CBFA2T2: variants seen among roughly 807,000 people sequenced by gnomAD.
CBFA2T2 encodes protein CBFA2T2.
In CBFA2T2, 11 loss-of-function variants were observed where a neutral mutation model predicts 62.2. That is an observed-to-expected ratio of 0.18 (90% CI 0.11 to 0.29). The LOEUF is 0.29. Among genes scored for constraint, CBFA2T2 ranks in the 10% least tolerant of loss-of-function variants. CBFA2T2 has a pLI of 1.00. For synonymous variants in CBFA2T2, 295 were observed against 287.5 expected (o/e 1.03, Z -0.27); for missense variants, 592 against 774.1 (o/e 0.76, Z 2.79).
chr20:33,562,684 T>C (rs1048291769), intron 1 of CBFA2T2: 65 of 984,758 alleles, frequency 6.6e-5, no homozygotes, highest in Non-Finnish European at 7.4e-5. Flanking sequence ...GGTAAGTACA[T>C]TTTAATATAG....
chr20:33,623,675 A>ACCT, intron 5 of CBFA2T2: 4 of 642,478 alleles, frequency 6.2e-6, no homozygotes, highest in Non-Finnish European at 1.1e-5. Context: ...GCCCGCCTCA[A>ACCT]CCTCCCAAAG....
chr20:33,610,992 A>C (rs2015502606), intron 2 of CBFA2T2, 102 bp from the exon 3 acceptor site: 1 of 1,444,436 alleles, frequency 6.9e-7, no homozygotes, highest in Admixed American at 1.8e-5. Flanking sequence ...CATGTGCTTT[A>C]CAAAATTCAA....
intron 1 of CBFA2T2, among the ~76,000 whole-genome samples, chr20:33,536,486 C>T (rs1286895628): frequency 1.3e-5 from 2 of 151,090 alleles, no homozygotes; most frequent in African/African-American, 2.4e-5. Context: ...TGACCCCCAC[C>T]TCCCTCCCGG....
chr20:33,567,829 C>G (rs1478342335), intron 1 of CBFA2T2, among the ~76,000 whole-genome samples: 1 of 152,112 alleles, frequency 6.6e-6, no homozygotes, highest in Admixed American at 6.6e-5. Context: ...GGTGATCTAC[C>G]CGCTTCGGCC....
At chr20:33,528,241 G>A (rs183189589) in intron 1 of CBFA2T2, among the ~76,000 whole-genome samples, 2 of 152,304 alleles carry the variant, frequency 1.3e-5, no homozygotes, top group Admixed American at 6.5e-5. Context: ...TATAAGACAA[G>A]TTTCCCATGT....
intron 1 of CBFA2T2, chr20:33,562,293 G>C (rs561417002): frequency 2.3e-4 from 167 of 728,382 alleles, no homozygotes; most frequent in Non-Finnish European, 2.7e-4. Flanking sequence ...TGTGTACTTA[G>C]TGACATCAGC....
intron 3 of CBFA2T2, among the ~76,000 whole-genome samples, chr20:33,615,821 A>C (rs1180680304): frequency 1.3e-5 from 2 of 152,192 alleles, no homozygotes; most frequent in Non-Finnish European, 2.9e-5. Flanking sequence ...GGACTACATA[A>C]GCAGTGAGTT....
intron 1 of CBFA2T2, among the ~76,000 whole-genome samples, chr20:33,574,617 C>A (rs1165498732): frequency 1.3e-5 from 2 of 152,152 alleles, no homozygotes; most frequent in African/African-American, 4.8e-5. Context: ...GAGTGAAACT[C>A]CATCTCAAAA....
chr20:33,597,366 T>G (rs529491936), intron 1 of CBFA2T2, among the ~76,000 whole-genome samples: 9 of 152,218 alleles, frequency 5.9e-5, no homozygotes, highest in Non-Finnish European at 1.2e-4. Flanking sequence ...GAAAAGTTAC[T>G]CAAATTCCTT....
chr20:33,508,583 C>T (rs373685046), intron 1 of CBFA2T2, among the ~76,000 whole-genome samples: 2 of 152,154 alleles, frequency 1.3e-5, no homozygotes, highest in East Asian at 3.8e-4. Flanking sequence ...CTCCCACCCT[C>T]CACTTTCCCA....
rs747586362 is a variant in CBFA2T2 at position 33,574,159 on chromosome 20, T to C, written c.35-32797T>C. The stretch of plus-strand genomic sequence containing the variant: ...AGCACAATCCTGACTGTACCTGTGA[T>C]GTTGCATTCATCTTTTGGAACATAA... On this transcript the variant is annotated intron_variant, in intron 1 of 10. Transcript: ENST00000342704. The C allele has an allele frequency of 1.1e-5, 18 of 1,609,134 alleles. 1 individual carries two copies. In the South Asian group the frequency reaches 1.6e-4, roughly 15 times the overall value.
chr20:33,610,840 TG>T (rs2015496190), intron 2 of CBFA2T2, among the ~76,000 whole-genome samples: 1 of 152,150 alleles, frequency 6.6e-6, no homozygotes, highest in African/African-American at 2.4e-5. Context: ...CCCCTGCCCA[TG>T]GCACCTGTAG....
chr20:33,496,776 G>C (rs558490266), intron 1 of CBFA2T2, among the ~76,000 whole-genome samples: 2 of 152,252 alleles, frequency 1.3e-5, no homozygotes, highest in South Asian at 4.2e-4. Context: ...ACGTTGAATA[G>C]GTACCTTTTG....
At chr20:33,498,092 G>A (rs2011223418) in intron 1 of CBFA2T2, among the ~76,000 whole-genome samples, 1 of 151,920 alleles carries the variant, frequency 6.6e-6, no homozygotes. Context: ...CAGGTTATGA[G>A]ACCAACTTTT....
At position 33,649,239 on chromosome 20, in the gene CBFA2T2, A is replaced by G. The variant is rs560661012; in HGVS notation, c.*4593A>G. ...CAAACGGAAGAATAGCCAGCGGAGC[A>G]TGGACTGTTCCAGCACGGGCCAGAT... On this transcript the variant is annotated 3_prime_UTR_variant, in exon 11 of 11. Transcript: ENST00000342704. 7.2e-5 allele frequency: 11 copies of G among 152,486 alleles called. No homozygotes were observed. Among genetic ancestry groups the G allele is most frequent in the Admixed American group, 2.6e-4 (4 of 15,288 alleles). 9.4% of individuals were successfully genotyped at this position (152,486 alleles called of 1,614,324 possible). A position where few individuals can be genotyped will look rare whatever the true frequency, so the allele number is the denominator to read the frequency against.
At chr20:33,588,808 A>G (rs954547411) in intron 1 of CBFA2T2, among the ~76,000 whole-genome samples, 8 of 152,090 alleles carry the variant, frequency 5.3e-5, no homozygotes, top group African/African-American at 1.9e-4. Flanking sequence ...TTAGCCAGGC[A>G]TGGTGGCAAG....
chr20:33,607,230 T>C (rs1021246310), intron 2 of CBFA2T2, 131 bp downstream of exon 2: 13 of 730,718 alleles, frequency 1.8e-5, no homozygotes, highest in Non-Finnish European at 2.6e-5. Context: ...GACACAGATA[T>C]ATATTTCTGG....
At chr20:33,554,815 C>T (rs1242651766) in intron 1 of CBFA2T2, among the ~76,000 whole-genome samples, 1 of 151,846 alleles carries the variant, frequency 6.6e-6, no homozygotes, top group Non-Finnish European at 1.5e-5. Context: ...CAGATGTCTG[C>T]ATCTCAAGTG....
chr20:33,498,514 A>G (rs896847345), intron 1 of CBFA2T2, among the ~76,000 whole-genome samples: 2 of 151,506 alleles, frequency 1.3e-5, no homozygotes, highest in African/African-American at 4.8e-5. Context: ...CGGCCTCCCA[A>G]AGTGCTGGGA....
Sources: allele counts gnomAD v4.1 joint callset (sites outside exome capture counted in the v4.1 genomes callset), GRCh38; gene constraint gnomAD v4.1.1; transcripts MANE v1.5; gene names NCBI Gene and HGNC (gene_info 2026-07-23, HGNC 2026-07-21).